SYNJ2BP: variants seen among roughly 807,000 people sequenced by gnomAD.
SYNJ2BP encodes the protein synaptojanin-2-binding protein.
A neutral mutation model predicts 16.9 loss-of-function variants in SYNJ2BP; 10 were observed. That is an observed-to-expected ratio of 0.59 (90% CI 0.36 to 1.00). The LOEUF (loss-of-function observed/expected upper bound fraction) is 1.00, where lower values mean the gene tolerates loss of function less well. Ranked by LOEUF, SYNJ2BP falls within the 50% of genes least tolerant of loss-of-function variation. The pLI is 0.01. For missense variants in SYNJ2BP, 162 were observed against 186.7 expected (o/e 0.87, Z 0.77); for synonymous variants, 54 against 68.4 (o/e 0.79, Z 1.04).
chr14:70,388,343 T>C, intron 2 of SYNJ2BP, 127 bp downstream of exon 2: 1 of 1,313,002 alleles, frequency 7.6e-7, no homozygotes, highest in Non-Finnish European at 9.7e-7. Context: ...ATCAAAGTTG[T>C]TCCCATTCAA....
At chr14:70,404,977 A>G (rs1350812404) in intron 1 of SYNJ2BP, among the ~76,000 whole-genome samples, 1 of 152,052 alleles carries the variant, frequency 6.6e-6, no homozygotes, top group East Asian at 1.9e-4. Flanking sequence ...AATACAAAAA[A>G]TTATCTGGGT....
intron 3 of SYNJ2BP, among the ~76,000 whole-genome samples, chr14:70,373,456 T>TA (rs1887561164): frequency 6.6e-6 from 1 of 152,154 alleles, no homozygotes; most frequent in African/African-American, 2.4e-5. Flanking sequence ...AGACATGAGA[T>TA]AAAACCTATG....
At chr14:70,395,105 G>C (rs1441128375) in intron 1 of SYNJ2BP, among the ~76,000 whole-genome samples, 1 of 152,186 alleles carries the variant, frequency 6.6e-6, no homozygotes, top group South Asian at 2.1e-4. Context: ...CTGGGATAAT[G>C]GTTGTAGAAC....
At chr14:70,388,402 A>G (rs1194860218) in intron 2 of SYNJ2BP, 68 bp downstream of exon 2, 1 of 1,409,882 alleles carries the variant, frequency 7.1e-7, no homozygotes, top group Non-Finnish European at 9.3e-7. Context: ...AGGAAAAGGG[A>G]TAGGGAGGGG....
intron 1 of SYNJ2BP, among the ~76,000 whole-genome samples, chr14:70,403,597 T>C (rs987749151): frequency 2.0e-5 from 3 of 152,190 alleles, no homozygotes; most frequent in Admixed American, 1.3e-4. Context: ...CAAGACAGTT[T>C]ACAAATGCCA....
chr14:70,386,081 A>G (rs1167047833), intron 2 of SYNJ2BP, among the ~76,000 whole-genome samples: 9 of 152,192 alleles, frequency 5.9e-5, no homozygotes. Flanking sequence ...TAACTCCTAT[A>G]CTATTCTTCA....
At chr14:70,411,764 A>C (rs940930897) in intron 1 of SYNJ2BP, among the ~76,000 whole-genome samples, 6 of 152,208 alleles carry the variant, frequency 3.9e-5, no homozygotes, top group African/African-American at 1.4e-4. Context: ...GAACTTTCCC[A>C]ACACAGGGTC....
At chr14:70,388,260 T>C (rs1887903634) in intron 2 of SYNJ2BP, among the ~76,000 whole-genome samples, 1 of 152,238 alleles carries the variant, frequency 6.6e-6, no homozygotes, top group Non-Finnish European at 1.5e-5. Context: ...CATTCTGGGC[T>C]TCACATTCTC....
At chr14:70,412,494 T>C (rs1368499191) in intron 1 of SYNJ2BP, among the ~76,000 whole-genome samples, 1 of 147,782 alleles carries the variant, frequency 6.8e-6, no homozygotes, top group South Asian at 2.1e-4. Flanking sequence ...TATATATGTA[T>C]GTATAGTATA....
Position 70,388,454 on chromosome 14 carries a change from C to T in SYNJ2BP, c.201+16G>A, listed in dbSNP as rs374046817. On this transcript the variant is annotated intron_variant, in intron 2 of 3. Transcript: ENST00000256366. ...GGGAGCAAAGGACAGTGAAGGAGGC[C>T]GAAGCCCATTCTCACCGAAAGGATC... is the stretch of plus-strand genomic sequence containing the variant. 12 of 1,535,848 alleles carry T rather than the reference C, an allele frequency of 7.8e-6. No individual in the cohort carries two copies. Among genetic ancestry groups the T allele is most frequent in the East Asian group, 2.4e-5 (1 of 41,722 alleles).
intron 2 of SYNJ2BP, 56 bp from the exon 3 acceptor site, chr14:70,375,827 T>C: frequency 6.3e-7 from 1 of 1,598,064 alleles, no homozygotes; most frequent in Admixed American, 1.8e-5. Flanking sequence ...AAGTCAACAA[T>C]TTATTTTCAA....
chr14:70,402,675 A>G (rs1888265207), intron 1 of SYNJ2BP, among the ~76,000 whole-genome samples: 1 of 151,960 alleles, frequency 6.6e-6, no homozygotes, highest in Admixed American at 6.6e-5. Context: ...TTAAAAAAAA[A>G]AAAAGAAAGA....
At chr14:70,404,463 T>G (rs991154366) in intron 1 of SYNJ2BP, among the ~76,000 whole-genome samples, 17 of 152,344 alleles carry the variant, frequency 1.1e-4, no homozygotes, top group Non-Finnish European at 2.2e-4. Context: ...TTATGCTAAA[T>G]TAAGTAACAG....
intron 2 of SYNJ2BP, among the ~76,000 whole-genome samples, chr14:70,381,189 T>C (rs1887742297): frequency 6.6e-6 from 1 of 152,062 alleles, no homozygotes; most frequent in South Asian, 2.1e-4. Context: ...TCCATCTGAG[T>C]CTCCTTCTGC....
chr14:70,394,913 C>T (rs898641289), intron 1 of SYNJ2BP, among the ~76,000 whole-genome samples: 1 of 152,186 alleles, frequency 6.6e-6, no homozygotes, highest in African/African-American at 2.4e-5. Flanking sequence ...AAATGTCACA[C>T]AGCTCTTTGC....
rs1887471754 is a variant in SYNJ2BP, at chr14:70,369,509, G to C, written c.*3482C>G. 6.6e-6 allele frequency: 1 copy of C among 152,174 alleles called. No homozygotes were observed. The highest frequency in any genetic ancestry group is 2.4e-5 in the African/African-American group (1 of 41,438). 9.4% of individuals were successfully genotyped at this position (152,174 alleles called of 1,614,324 possible). On this transcript the variant is annotated 3_prime_UTR_variant, in exon 4 of 4. Coordinates refer to ENST00000256366, the MANE Select transcript of SYNJ2BP (RefSeq NM_018373.3). Reference sequence around the variant, plus strand: ...CATTGATGCTGGCATCTGAAGTCCTGAGTTTAAATCCTGATTCTATTATTA... The same window carrying C: ...CATTGATGCTGGCATCTGAAGTCCTCAGTTTAAATCCTGATTCTATTATTA...
chr14:70,397,610 GGGAACACGA>G (rs1271226768), intron 1 of SYNJ2BP, among the ~76,000 whole-genome samples: 1 of 152,210 alleles, frequency 6.6e-6, no homozygotes, highest in Non-Finnish European at 1.5e-5. Context: ...GCTGGCACTG[GGGAACACGA>G]TGGCATCTGG....
intron 1 of SYNJ2BP, among the ~76,000 whole-genome samples, chr14:70,405,298 T>C (rs766783025): frequency 1.1e-4 from 17 of 151,960 alleles, no homozygotes; most frequent in Non-Finnish European, 2.1e-4. Context: ...AATGGGGAAA[T>C]AAATGTATAA....
At position 70,377,371 on chromosome 14, in the gene SYNJ2BP, T is replaced by G. The variant is rs373854650; in HGVS notation, c.202-1600A>C. ...TGAATATTCTGGGAGAAAGGTATATTCTCATTCTCCACCATAGACCCATAC... is the reference window on the plus strand; with the variant it reads ...TGAATATTCTGGGAGAAAGGTATATGCTCATTCTCCACCATAGACCCATAC... On this transcript the variant is annotated intron_variant, in intron 2 of 3. Coordinates refer to ENST00000256366, the MANE Select transcript of SYNJ2BP (RefSeq NM_018373.3). 1.3e-3 allele frequency among the ~76,000 whole-genome samples: 203 copies of G among 152,268 alleles called. 2 individuals are homozygous for G. Among genetic ancestry groups the G allele is most frequent in the African/African-American group, 4.6e-3 (192 of 41,544 alleles).
Sources: gnomAD v4.1 joint callset for allele counts (sites outside exome capture counted in the v4.1 genomes callset) on GRCh38, gnomAD v4.1.1 for gene constraint, MANE v1.5 for transcripts, NCBI Gene and HGNC (gene_info 2026-07-23, HGNC 2026-07-21) for gene names.